The following IKBKB-DT variants were observed in gnomAD, a reference collection of about 807,000 sequenced individuals.
The protein encoded by IKBKB-DT is IKBKB antisense RNA.
chr8:42,268,424 T>C (rs1421194878), intron 1 of IKBKB-DT, among the ~76,000 whole-genome samples: 1 of 151,126 alleles, frequency 6.6e-6, no homozygotes, highest in Non-Finnish European at 1.5e-5. Context: ...TGTAAGCCAC[T>C]GTGCCTGGCC....
intron 3 of IKBKB-DT, among the ~76,000 whole-genome samples, chr8:42,240,624 CAAAAAAAAAAAAAAAAA>C (rs1208809199): frequency 7.6e-5 from 2 of 26,398 alleles, no homozygotes; most frequent in African/African-American, 3.5e-4. Context: ...GACTCAGTCT[CAAAAAAAAAAAAAAAAA>C]AAAAAAAAAG....
At chr8:42,239,384 T>G (rs1402640304) in intron 3 of IKBKB-DT, among the ~76,000 whole-genome samples, 3 of 151,644 alleles carry the variant, frequency 2.0e-5, no homozygotes, top group Admixed American at 1.3e-4. Context: ...TCAGGTGGCC[T>G]GGCCCGACCT....
intron 3 of IKBKB-DT, among the ~76,000 whole-genome samples, chr8:42,242,734 C>A (rs922636506): frequency 6.6e-6 from 1 of 152,226 alleles, no homozygotes; most frequent in African/African-American, 2.4e-5. Flanking sequence ...TCCCCTCATG[C>A]ATGCTGAGAA....
At chr8:42,259,874 C>T (rs1301599548) in intron 3 of IKBKB-DT, among the ~76,000 whole-genome samples, 1 of 150,936 alleles carries the variant, frequency 6.6e-6, no homozygotes, top group African/African-American at 2.4e-5. Context: ...TTCAGCTACT[C>T]GGGAGGCTGA....
intron 3 of IKBKB-DT, among the ~76,000 whole-genome samples, chr8:42,243,649 G>A (rs146437120): frequency 8.5e-4 from 130 of 152,286 alleles, no homozygotes; most frequent in African/African-American, 2.9e-3. Context: ...AAGCCACTTC[G>A]GTTTGAAGTT....
At chr8:42,268,901 G>T (rs1807420230) in intron 1 of IKBKB-DT, among the ~76,000 whole-genome samples, 2 of 152,032 alleles carry the variant, frequency 1.3e-5, no homozygotes, top group African/African-American at 4.8e-5. Flanking sequence ...TACTTATTAA[G>T]CAAACACTTA....
intron 2 of IKBKB-DT, among the ~76,000 whole-genome samples, chr8:42,263,643 G>A (rs901075976): frequency 5.3e-5 from 8 of 152,160 alleles, no homozygotes; most frequent in African/African-American, 1.7e-4. Context: ...ACGGTGTTGG[G>A]GTGGACAGTT....
intron 3 of IKBKB-DT, among the ~76,000 whole-genome samples, chr8:42,254,922 G>A (rs1275415480): frequency 6.7e-6 from 1 of 150,360 alleles, no homozygotes; most frequent in Non-Finnish European, 1.5e-5. Flanking sequence ...CCTCTCCCCA[G>A]CTTCTGCCCT....
chr8:42,264,860 TA>T (rs903888534), intron 2 of IKBKB-DT, among the ~76,000 whole-genome samples: 1 of 144,648 alleles, frequency 6.9e-6, no homozygotes. Flanking sequence ...TGCCGGGCCT[TA>T]AACATTTTTT....
intron 3 of IKBKB-DT, among the ~76,000 whole-genome samples, chr8:42,244,192 G>A (rs1036869343): frequency 1.3e-5 from 2 of 152,174 alleles, no homozygotes; most frequent in African/African-American, 4.8e-5. Flanking sequence ...AGGAAACCCA[G>A]GCCCATGTGT....
At chr8:42,239,832 T>C (rs2129903492) in intron 3 of IKBKB-DT, among the ~76,000 whole-genome samples, 1 of 150,880 alleles carries the variant, frequency 6.6e-6, no homozygotes, top group African/African-American at 2.4e-5. Context: ...AGAAAGGAGG[T>C]TTTGCCATGT....
chr8:42,260,841 C>T (rs1041986066), intron 3 of IKBKB-DT, among the ~76,000 whole-genome samples: 5 of 151,910 alleles, frequency 3.3e-5, no homozygotes, highest in African/African-American at 1.2e-4. Context: ...AGCCATAAAC[C>T]TCTTAGGACT....
At chr8:42,252,135 A>G (rs1429185441) in intron 3 of IKBKB-DT, among the ~76,000 whole-genome samples, 1 of 152,260 alleles carries the variant, frequency 6.6e-6, no homozygotes, top group Non-Finnish European at 1.5e-5. Context: ...GTAAAAGAGC[A>G]GGTGACATGG....
intron 1 of IKBKB-DT, among the ~76,000 whole-genome samples, chr8:42,268,945 G>A (rs540017490): frequency 1.2e-3 from 177 of 152,238 alleles, no homozygotes; most frequent in African/African-American, 4.0e-3. Flanking sequence ...ACTATTCTAC[G>A]TGTGTTACAA....
chr8:42,253,014 T>C (rs1433233812), intron 3 of IKBKB-DT, among the ~76,000 whole-genome samples: 1 of 152,206 alleles, frequency 6.6e-6, no homozygotes. Context: ...GAATCTCTAT[T>C]AACAAAGCTA....
At chr8:42,240,474 C>T (rs1806986491) in intron 3 of IKBKB-DT, among the ~76,000 whole-genome samples, 1 of 150,932 alleles carries the variant, frequency 6.6e-6, no homozygotes, top group African/African-American at 2.4e-5. Flanking sequence ...AATCCAAAAA[C>T]ATTAGCCGGG....
intron 3 of IKBKB-DT, among the ~76,000 whole-genome samples, chr8:42,247,007 A>G (rs1807072886): frequency 6.6e-6 from 1 of 152,182 alleles, no homozygotes; most frequent in African/African-American, 2.4e-5. Context: ...CACTGATCTG[A>G]CAGGAAGCGG....
At chr8:42,242,804 G>C (rs1807020184) in intron 3 of IKBKB-DT, among the ~76,000 whole-genome samples, 1 of 152,192 alleles carries the variant, frequency 6.6e-6, no homozygotes, top group African/African-American at 2.4e-5. Context: ...GGGAGCTGAG[G>C]GACACTGGCT....
At chr8:42,250,006 C>A (rs1017105599) in intron 3 of IKBKB-DT, among the ~76,000 whole-genome samples, 39 of 152,104 alleles carry the variant, frequency 2.6e-4, no homozygotes, top group African/African-American at 9.4e-4. Flanking sequence ...TTTATCAAGG[C>A]AGGGGAATTG....
Sources: allele counts gnomAD v4.1 joint callset (sites outside exome capture counted in the v4.1 genomes callset), GRCh38; gene constraint gnomAD v4.1.1; transcripts MANE v1.5; gene names NCBI Gene and HGNC (gene_info 2026-07-23, HGNC 2026-07-21).